The following SGCD variants were observed in gnomAD, a reference collection of about 807,000 sequenced individuals.
The protein encoded by SGCD is delta-sarcoglycan.
In SGCD, 18 loss-of-function variants were observed where a neutral mutation model predicts 36.6. The observed-to-expected ratio is 0.49, with a 90% CI of 0.34 to 0.73. The LOEUF (loss-of-function observed/expected upper bound fraction) is 0.73. Ranked by LOEUF, SGCD falls within the 30% of genes least tolerant of loss-of-function variation. The probability of loss-of-function intolerance (pLI) is 0.01; values close to 1 mark genes in which losing one functional copy is unlikely to be tolerated. For synonymous variants in SGCD, 133 were observed against 130.6 expected, an observed-to-expected ratio of 1.02 and a Z score of -0.12; for missense variants, 387 against 346.7, an observed-to-expected ratio of 1.12 and a Z score of -0.92.
intron 3 of SGCD, among the ~76,000 whole-genome samples, chr5:156,281,099 A>G (rs1472806427): frequency 6.6e-6 from 1 of 152,242 alleles, no homozygotes; most frequent in Non-Finnish European, 1.5e-5. Context: ...ATGTTTATAC[A>G]GACATAAGTG....
chr5:156,188,118 C>T (rs1170414056), intron 3 of SGCD, among the ~76,000 whole-genome samples: 1 of 152,088 alleles, frequency 6.6e-6, no homozygotes, highest in East Asian at 1.9e-4. Flanking sequence ...ATTAGCCTTG[C>T]CCTGGTCTGA....
intron 4 of SGCD, among the ~76,000 whole-genome samples, chr5:156,509,076 T>G (rs934417): frequency 0.31 from 47,883 of 152,068 alleles, 7,790 homozygotes; most frequent in Non-Finnish European, 0.36. Flanking sequence ...ACTGAAGAAC[T>G]AGAATTTTGT....
chr5:156,547,945 A>G, intron 4 of SGCD, among the ~76,000 whole-genome samples: 1 of 152,198 alleles, frequency 6.6e-6, no homozygotes, highest in East Asian at 1.9e-4. Context: ...TCCAGGTTTC[A>G]TTGATTTGGT....
rs111368615 is a variant in SGCD at position 155,951,557 on chromosome 5, A to G, written c.-282+81133A>G. 1.9e-3 allele frequency among the ~76,000 whole-genome samples: 284 copies of G among 152,330 alleles called. 2 individuals carry two copies. Among genetic ancestry groups the G allele is most frequent in the Non-Finnish European group, 2.8e-3 (189 of 68,018 alleles). On this transcript the variant is annotated intron_variant, in intron 1 of 9. Coordinates refer to the SGCD transcript ENST00000517913. ...ATGCAGTTAATGTTATTTTTTGTGC[A>G]TGCCTAATTATTGGTCACATAGGTG...
intron 4 of SGCD, among the ~76,000 whole-genome samples, chr5:156,552,020 C>A (rs1202696558): frequency 6.6e-6 from 1 of 152,138 alleles, no homozygotes; most frequent in African/African-American, 2.4e-5. Flanking sequence ...GCTTGTTTAA[C>A]CTTAAGGAAG....
the SGCD span, among the ~76,000 whole-genome samples, chr5:155,834,469 T>C: frequency 6.6e-6 from 1 of 151,964 alleles, no homozygotes; most frequent in Non-Finnish European, 1.5e-5. Context: ...GGCATAGGGG[T>C]GGTGCTCCAA....
chr5:155,933,059 T>C (rs1757128838), intron 1 of SGCD, among the ~76,000 whole-genome samples: 1 of 152,222 alleles, frequency 6.6e-6, no homozygotes, highest in African/African-American at 2.4e-5. Flanking sequence ...TGTCCACTGT[T>C]AGAGACAGGG....
At chr5:156,110,671 CT>C (rs1761761871) in intron 1 of SGCD, among the ~76,000 whole-genome samples, 1 of 151,506 alleles carries the variant, frequency 6.6e-6, no homozygotes, top group East Asian at 1.9e-4. Context: ...AAAAAAAAAA[CT>C]CTCTTTCCCA....
chr5:156,290,339 C>A lies in SGCD; in HGVS notation c.-43-39195C>A, dbSNP rs114657780. ...CTAACCAAGACGGTTCCACAGTGGT[C>A]ATTATGTTCATAAGTTAACTGCATC... On this transcript the variant is annotated intron_variant, in intron 3 of 9. Coordinates refer to the SGCD transcript ENST00000517913. Among the ~76,000 whole-genome samples, 379 of 152,240 alleles carry A rather than the reference C, an allele frequency of 2.5e-3. 1 individual carries two copies. Among genetic ancestry groups the A allele is most frequent in the African/African-American group, 8.9e-3 (368 of 41,552 alleles).
At chr5:155,883,734 T>C (rs550053862) in intron 1 of SGCD, among the ~76,000 whole-genome samples, 2 of 144,924 alleles carry the variant, frequency 1.4e-5, no homozygotes, top group East Asian at 2.0e-4. Context: ...GTACATACTA[T>C]TGGAAAAATT....
At chr5:155,967,620 C>T (rs6888324) in intron 1 of SGCD, among the ~76,000 whole-genome samples, 39,143 of 151,912 alleles carry the variant, frequency 0.26, 5,284 homozygotes, top group South Asian at 0.37. Context: ...TAATACTCCT[C>T]TCTTAGCACA....
chr5:156,688,526 T>A (rs1055666485), intron 7 of SGCD, among the ~76,000 whole-genome samples: 29 of 152,062 alleles, frequency 1.9e-4, no homozygotes, highest in African/African-American at 7.0e-4. Flanking sequence ...TGTCAGAAAC[T>A]CCCCAAATTA....
At chr5:155,781,537 A>G in the SGCD span, among the ~76,000 whole-genome samples, 7 of 152,118 alleles carry the variant, frequency 4.6e-5, no homozygotes, top group East Asian at 3.9e-4. Flanking sequence ...TCATGGCCCA[A>G]TGCACCCTTG....
At chr5:155,776,467 C>T in the SGCD span, among the ~76,000 whole-genome samples, 1 of 152,134 alleles carries the variant, frequency 6.6e-6, no homozygotes, top group Non-Finnish European at 1.5e-5. Flanking sequence ...ACAAAACAGA[C>T]ACTGGATAAA....
chr5:156,495,632 G>A (rs1479952741), intron 3 of SGCD, among the ~76,000 whole-genome samples: 5 of 152,146 alleles, frequency 3.3e-5, no homozygotes, highest in African/African-American at 7.2e-5. Context: ...GACTTTACTG[G>A]TGGGAAGCAC....
At chr5:156,511,743 C>A (rs1756937760) in intron 4 of SGCD, among the ~76,000 whole-genome samples, 1 of 152,172 alleles carries the variant, frequency 6.6e-6, no homozygotes, top group South Asian at 2.1e-4. Context: ...TTTGGAAGAG[C>A]AGCAGATTGT....
At chr5:156,459,486 A>T (rs79589300) in intron 3 of SGCD, among the ~76,000 whole-genome samples, 2,945 of 152,206 alleles carry the variant, frequency 0.019, 33 homozygotes, top group Non-Finnish European at 0.032. Flanking sequence ...TGTGTCTTGG[A>T]GGAATTGTTT....
chr5:155,946,728 T>G (rs1052973217), intron 1 of SGCD, among the ~76,000 whole-genome samples: 4 of 152,148 alleles, frequency 2.6e-5, no homozygotes, highest in Non-Finnish European at 5.9e-5. Context: ...ACTAAACTAG[T>G]TATAGCATAT....
At chr5:156,680,910 C>T (rs1390252935) in intron 7 of SGCD, among the ~76,000 whole-genome samples, 1 of 152,186 alleles carries the variant, frequency 6.6e-6, no homozygotes, top group Non-Finnish European at 1.5e-5. Flanking sequence ...TTCACTCAGC[C>T]TGCCACTGGC....
Sources: allele counts gnomAD v4.1 joint callset (sites outside exome capture counted in the v4.1 genomes callset), GRCh38; gene constraint gnomAD v4.1.1; transcripts MANE v1.5; gene names NCBI Gene and HGNC (gene_info 2026-07-23, HGNC 2026-07-21).